ANTXR1: variants seen among roughly 807,000 people sequenced by gnomAD.
ANTXR1 encodes the protein anthrax toxin receptor 1.
A neutral mutation model predicts 78.1 loss-of-function variants in ANTXR1; 19 were observed. The ratio of observed to expected loss-of-function variants is 0.24; its 90% confidence interval spans 0.17 to 0.36. The LOEUF is 0.36. ANTXR1 is among the 10% of genes least tolerant of loss of function. The probability of loss-of-function intolerance (pLI) is 1.00; values close to 1 mark genes in which losing one functional copy is unlikely to be tolerated. For missense variants in ANTXR1, 518 were observed against 718.6 expected (o/e 0.72, Z 3.19); for synonymous variants, 273 against 260.5 (o/e 1.05, Z -0.46).
chr2:69,152,306 C>T, intron 13 of ANTXR1, 42 bp downstream of exon 13: 1 of 1,580,358 alleles, frequency 6.3e-7, no homozygotes, highest in Non-Finnish European at 8.7e-7. Flanking sequence ...TGAAGGGTGA[C>T]ATAAAGTTCA....
rs1483805168 is a variant in ANTXR1 at position 69,231,142 on chromosome 2, CT to C, written c.1435-14077del. On this transcript the variant is annotated intron_variant, in intron 17 of 17. Transcript: ENST00000303714. ...TTCCTGCAAAAGACATGATCTCATT[CT>C]TTTTTATGGCTGCATAGTATTCCAT... 2.6e-5 allele frequency among the ~76,000 whole-genome samples: 4 copies of C among 152,280 alleles called. No individual in the cohort carries two copies. The East Asian group carries it at 7.7e-4, about 29-fold the overall frequency.
Position 69,013,571 on chromosome 2 carries a change from C to T in ANTXR1, c.72C>T (p.Ile24=). ...TCTCTTTGGCCACTCTGGTGCTCAT[C>T]TGCGCCGGGCAAGGGGGACGCAGGG... ...QWLSLATLVL[I]CAGQGGRRED... is the part of the protein sequence containing the mutation. The change falls in exon 1 of 18, where the codon ATC becomes ATT. Residue 24 remains isoleucine, a synonymous_variant. Transcript: ENST00000303714. The surrounding 1 kb of genome is among the most constrained non-coding windows in gnomAD (Gnocchi z 5.0). 6.4e-7 allele frequency: 1 copy of T among 1,572,696 alleles called. No individual in the cohort carries two copies. Among genetic ancestry groups the T allele is most frequent in the Non-Finnish European group, 8.6e-7 (1 of 1,158,906 alleles).
At chr2:69,237,588 T>C (rs1489811001) in intron 17 of ANTXR1, among the ~76,000 whole-genome samples, 3 of 152,064 alleles carry the variant, frequency 2.0e-5, no homozygotes, top group African/African-American at 4.8e-5. Flanking sequence ...ATCAGGCTAA[T>C]TTTTTTTATT....
intron 17 of ANTXR1, among the ~76,000 whole-genome samples, chr2:69,227,621 G>T (rs370068831): frequency 1.3e-4 from 20 of 152,014 alleles, no homozygotes; most frequent in Admixed American, 6.6e-5. Flanking sequence ...ATAACTCTCC[G>T]GGAATAAACT....
chr2:69,123,182 C>CTCCA, intron 11 of ANTXR1, 96 bp downstream of exon 11: 17 of 1,298,600 alleles, frequency 1.3e-5, no homozygotes, highest in Non-Finnish European at 1.7e-5. Context: ...GAAAGTGGAG[C>CTCCA]CTTTCTCTAG....
At chr2:69,125,588 CCCAGCA>C (rs1672506822) in intron 12 of ANTXR1, among the ~76,000 whole-genome samples, 1 of 152,212 alleles carries the variant, frequency 6.6e-6, no homozygotes, top group African/African-American at 2.4e-5. Flanking sequence ...GGCCTGTAAT[CCCAGCA>C]CTTTGGGAGG....
intron 17 of ANTXR1, among the ~76,000 whole-genome samples, chr2:69,213,904 T>G (rs1464985988): frequency 1.3e-5 from 2 of 152,212 alleles, no homozygotes; most frequent in East Asian, 3.8e-4. Context: ...GCCAGCAGCC[T>G]TGGGACGTAT....
chr2:69,199,429 T>G (rs1360117611), intron 17 of ANTXR1, among the ~76,000 whole-genome samples: 1 of 152,192 alleles, frequency 6.6e-6, no homozygotes, highest in Non-Finnish European at 1.5e-5. Flanking sequence ...CCCTTTTCTA[T>G]ATTTCTCCAT....
chr2:69,112,154 C>T (rs1274033182), intron 10 of ANTXR1, among the ~76,000 whole-genome samples: 6 of 152,110 alleles, frequency 3.9e-5, no homozygotes, highest in East Asian at 1.9e-4. Context: ...AGGGAGCTTC[C>T]GCCAAGTGAT....
At chr2:69,100,632 T>C (rs1388875152) in intron 9 of ANTXR1, among the ~76,000 whole-genome samples, 1 of 152,178 alleles carries the variant, frequency 6.6e-6, no homozygotes, top group Non-Finnish European at 1.5e-5. Context: ...CTGCTGATCT[T>C]TGAGGAAACA....
chr2:69,103,949 T>G (rs999098424), intron 10 of ANTXR1, among the ~76,000 whole-genome samples: 1 of 151,708 alleles, frequency 6.6e-6, no homozygotes, highest in African/African-American at 2.4e-5. Flanking sequence ...TTTTTTTTTT[T>G]TTTTTGGAGA....
rs1038458743 is a variant in ANTXR1 at position 69,013,371 on chromosome 2, A to T, written c.-129A>T. ...CTCCTCCAGACAATTGCTTCCGGGGAGTTGCGAGGGAGCGAGGGGGAATAA... is the reference window on the plus strand; with the variant it reads ...CTCCTCCAGACAATTGCTTCCGGGGTGTTGCGAGGGAGCGAGGGGGAATAA... On this transcript the variant is annotated 5_prime_UTR_variant, in exon 1 of 18. Coordinates refer to ENST00000303714, the MANE Select transcript of ANTXR1 (RefSeq NM_032208.3). This position sits in a 1 kb window ranked among gnomAD's most constrained non-coding sequence, Gnocchi z 5.0. 8.0e-7 allele frequency: 1 copy of T among 1,250,298 alleles called. No individual in the cohort carries two copies. Among genetic ancestry groups the T allele is most frequent in the Non-Finnish European group, 1.1e-6 (1 of 884,360 alleles). 77.5% of individuals were successfully genotyped at this position (1,250,298 alleles called of 1,614,324 possible).
At chr2:69,182,786 T>C in intron 16 of ANTXR1, 126 bp downstream of exon 16, 1 of 1,242,454 alleles carries the variant, frequency 8.0e-7, no homozygotes, top group South Asian at 1.3e-5. Context: ...GGAACAATTA[T>C]CTAAAATTAT....
intron 8 of ANTXR1, among the ~76,000 whole-genome samples, chr2:69,078,818 C>A (rs1670816108): frequency 6.6e-6 from 1 of 152,236 alleles, no homozygotes; most frequent in Non-Finnish European, 1.5e-5. Context: ...ATATTAATGT[C>A]AGCTTCCTTT....
intron 13 of ANTXR1, among the ~76,000 whole-genome samples, chr2:69,156,503 A>G (rs1187855651): frequency 3.3e-5 from 5 of 152,182 alleles, no homozygotes; most frequent in Non-Finnish European, 7.3e-5. Flanking sequence ...ACAAAGACAT[A>G]TACCTGAGAC....
At chr2:69,233,545 G>C (rs1477931870) in intron 17 of ANTXR1, among the ~76,000 whole-genome samples, 3 of 151,834 alleles carry the variant, frequency 2.0e-5, no homozygotes, top group Non-Finnish European at 4.4e-5. Flanking sequence ...TATCAACTGT[G>C]AATAGGAAAT....
chr2:69,041,876 AC>A (rs1193623215), intron 2 of ANTXR1, among the ~76,000 whole-genome samples: 1 of 152,072 alleles, frequency 6.6e-6, no homozygotes, highest in Non-Finnish European at 1.5e-5. Context: ...GTCTCCGCTA[AC>A]CCTGCTTGGC....
At position 69,230,636 on chromosome 2, in the gene ANTXR1, C is replaced by T. The variant is rs574408865; in HGVS notation, c.1435-14589C>T. Among the ~76,000 whole-genome samples, 19 of 152,172 alleles carry T rather than the reference C, an allele frequency of 1.2e-4. No homozygotes were observed. The South Asian group carries it at 3.9e-3, about 32-fold the overall frequency. ...TCAGAATCGGGAGAGACTTTTCAACCTTGAGCTACCCACTGGCAGCGTGAG... is the reference window on the plus strand; with the variant it reads ...TCAGAATCGGGAGAGACTTTTCAACTTTGAGCTACCCACTGGCAGCGTGAG... On this transcript the variant is annotated intron_variant, in intron 17 of 17. Transcript: ENST00000303714.
chr2:69,013,735 GC>G lies in ANTXR1; in HGVS notation c.152+86del. 6.5e-7 allele frequency: 1 copy of G among 1,547,562 alleles called. No individual in the cohort carries two copies. Among genetic ancestry groups the G allele is most frequent in the Non-Finnish European group, 8.7e-7 (1 of 1,144,096 alleles). ...CCGGGCCGGGCTCGTTGGCAGGGTC[GC>G]CTGGGGACAGGAGCGCATCTCCAGG... On this transcript the variant is annotated intron_variant, in intron 1 of 17. Transcript: ENST00000303714. This position sits in a 1 kb window ranked among gnomAD's most constrained non-coding sequence, Gnocchi z 5.0.
Sources: allele counts gnomAD v4.1 joint callset (sites outside exome capture counted in the v4.1 genomes callset), GRCh38; gene constraint gnomAD v4.1.1; non-coding constraint Gnocchi (gnomAD v3.1); transcripts MANE v1.5; gene names NCBI Gene and HGNC (gene_info 2026-07-23, HGNC 2026-07-21).